Variants in KLHL8 observed in about 807,000 individuals in gnomAD.
KLHL8 encodes kelch-like protein 8.
KLHL8 carries 38 observed loss-of-function variants against 63.5 expected under a neutral mutation model. The ratio of observed to expected loss-of-function variants is 0.60; its 90% CI spans 0.46 to 0.78. The LOEUF is 0.78. Ranked by LOEUF, KLHL8 falls within the 30% of genes least tolerant of loss-of-function variation. The pLI is 0.00. For synonymous variants in KLHL8, 224 were observed against 254.3 expected (o/e 0.88, Z 1.13); for missense variants, 566 against 752.4 (o/e 0.75, Z 2.90).
At chr4:87,229,848 A>C (rs991285393) in intron 1 of KLHL8, among the ~76,000 whole-genome samples, 16 of 151,936 alleles carry the variant, frequency 1.1e-4, no homozygotes, top group African/African-American at 3.9e-4. Context: ...CTCCTGCCTC[A>C]GCCTCCCAAG....
At chr4:87,168,231 C>T (rs1730480231) in intron 8 of KLHL8, among the ~76,000 whole-genome samples, 2 of 152,260 alleles carry the variant, frequency 1.3e-5, no homozygotes, top group East Asian at 1.9e-4. Context: ...CTGCCAAGTA[C>T]ACTTATACTC....
rs578077986 is a variant in KLHL8, at chr4:87,169,744, G to A, written c.1537+335C>T. Among the ~76,000 whole-genome samples, 7 of 152,020 alleles carry A rather than the reference G, an allele frequency of 4.6e-5. No individual in the cohort carries two copies. In the South Asian group the frequency reaches 1.5e-3, roughly 32 times the overall value. On this transcript the variant is annotated intron_variant, in intron 8 of 9. Transcript: ENST00000273963. ...CTGGGTGTGATAGCCTGGGCCTCTA[G>A]TCCTAGCTACTTGAGAGGCTTGAGG...
chr4:87,194,331 T>C (rs145479664), intron 2 of KLHL8, among the ~76,000 whole-genome samples: 1 of 152,324 alleles, frequency 6.6e-6, no homozygotes, highest in African/African-American at 2.4e-5. Context: ...GACACCAAAC[T>C]TGCTGGTACC....
intron 4 of KLHL8, 88 bp downstream of exon 4, chr4:87,183,115 T>G (rs997052372): frequency 2.7e-5 from 24 of 879,818 alleles, no homozygotes; most frequent in Non-Finnish European, 3.4e-5. Context: ...AGACACTAAT[T>G]ATATTACAAC....
rs567127092 is a variant in KLHL8 at position 87,193,613 on chromosome 4, T to C, written c.216+1711A>G. Among the ~76,000 whole-genome samples, 5 of 152,350 alleles carry C rather than the reference T, an allele frequency of 3.3e-5. No homozygotes were observed. In the South Asian group the frequency reaches 1.0e-3, roughly 32 times the overall value. On this transcript the variant is annotated intron_variant, in intron 2 of 9. Transcript: ENST00000273963. ...AAGAAGTAGAGTAAATACATAAGCC[T>C]GTAACATAATCATTTATTAGCATGA...
In KLHL8 at chr4:87,170,828, G is replaced by C. The variant is rs145102902; in HGVS notation, c.1209-213C>G. On this transcript the variant is annotated intron_variant, in intron 6 of 9. Transcript: ENST00000273963. ...TATGTGAATACTGCCCCCTGAAGTT[G>C]TACAGTGCATAGCCTACACAGGCTA... is the stretch of plus-strand genomic sequence containing the variant. Among the ~76,000 whole-genome samples, 405 of 152,258 alleles carry C rather than the reference G, an allele frequency of 2.7e-3. 4 individuals are homozygous for C. Among genetic ancestry groups the C allele is most frequent in the African/African-American group, 9.3e-3 (388 of 41,538 alleles).
Position 87,170,316 on chromosome 4 carries a change from A to G in KLHL8, c.1378-78T>C, listed in dbSNP as rs78527201. 676 of 1,479,558 alleles carry G rather than the reference A, an allele frequency of 4.6e-4. 3 individuals carry two copies. Among genetic ancestry groups the G allele is most frequent in the East Asian group, 2.6e-3 (113 of 43,662 alleles). 91.7% of individuals were successfully genotyped at this position (1,479,558 alleles called of 1,614,324 possible). The stretch of plus-strand genomic sequence containing the variant: ...TTGTTTTAATGGTAAATTAGAATGT[A>G]CAAGGCAGTATTTCAGGAAATAATA... On this transcript the variant is annotated intron_variant, in intron 7 of 9. Coordinates refer to ENST00000273963, the MANE Select transcript of KLHL8 (RefSeq NM_020803.5).
chr4:87,226,704 T>A (rs866205244), intron 1 of KLHL8, among the ~76,000 whole-genome samples: 7 of 14,608 alleles, frequency 4.8e-4, no homozygotes, highest in Admixed American at 3.6e-3. Flanking sequence ...ATTATTTATA[T>A]ATAATATATA....
At chr4:87,192,490 CCATTGTGTTACAACTG>C (rs1731532645) in intron 2 of KLHL8, among the ~76,000 whole-genome samples, 1 of 152,114 alleles carries the variant, frequency 6.6e-6, no homozygotes, top group Non-Finnish European at 1.5e-5. Context: ...TAGATAAATA[CCATTGTGTTACAACTG>C]CATACAGTTT....
At chr4:87,217,356 T>G (rs1307548644) in intron 1 of KLHL8, among the ~76,000 whole-genome samples, 1 of 151,702 alleles carries the variant, frequency 6.6e-6, no homozygotes, top group Admixed American at 6.6e-5. Context: ...TGGGGGGAAA[T>G]AGGGTCTCAC....
intron 1 of KLHL8, chr4:87,207,909 C>T (rs1732208662): frequency 1.5e-6 from 2 of 1,355,710 alleles, no homozygotes; most frequent in Admixed American, 1.7e-5. Context: ...GCATCCTGGG[C>T]TACACTGAGC....
Position 87,195,336 on chromosome 4 carries a change from A to G in KLHL8, c.204T>C (p.Asp68=), listed in dbSNP as rs775446132. 1.2e-6 allele frequency: 2 copies of G among 1,611,826 alleles called. No individual in the cohort carries two copies. Among genetic ancestry groups the G allele is most frequent in the East Asian group, 2.2e-5 (1 of 44,814 alleles). The change falls in exon 2 of 10, where the codon GAT becomes GAC. Residue 68 remains aspartate (D), a synonymous_variant. Transcript: ENST00000273963. ...AAGGCAATCTCACCTTGAGTGTGAC[A>G]TCACAGAGTTCTCCATTTTCATAAA... ...LRFYENGELC[D]VTLKVGSKLI... is the part of the protein sequence containing the mutation.
upstream of KLHL8, among the ~76,000 whole-genome samples, chr4:87,224,239 C>T (rs531324852): frequency 1.1e-4 from 16 of 152,148 alleles, no homozygotes; most frequent in African/African-American, 1.4e-4. Context: ...CATGAGCCAC[C>T]GCGCCGGCCA....
chr4:87,203,402 G>C (rs1056372023), intron 1 of KLHL8, among the ~76,000 whole-genome samples: 14 of 152,004 alleles, frequency 9.2e-5, no homozygotes, highest in African/African-American at 3.4e-4. Context: ...AGCCAGGTGT[G>C]GTGGTGGGCG....
At chr4:87,214,631 C>T (rs1732530832) in intron 1 of KLHL8, among the ~76,000 whole-genome samples, 1 of 151,702 alleles carries the variant, frequency 6.6e-6, no homozygotes, top group African/African-American at 2.4e-5. Context: ...TCAATAGAGA[C>T]TTGCCTGACT....
At position 87,163,906 on chromosome 4, in the gene KLHL8, C is replaced by A. The variant is rs1730272950; in HGVS notation, c.1711G>T (p.Val571Leu). The A allele has an allele frequency of 1.2e-6, 2 of 1,614,100 alleles. No homozygotes were observed. The highest frequency in any genetic ancestry group is 1.7e-6 in the Non-Finnish European group (2 of 1,179,980). ...TTCAGCACTGGATCAAACGCTTCTA[C>A]TGTATTTAAGTATGCATTGCCATTA... The part of the protein sequence containing the change: ...GHNGNAYLNT[V>L]EAFDPVLNRW... Residue 571 changes from valine (V) to leucine (L), a missense_variant, in exon 9 of 10, where the codon GTA (valine) becomes TTA (leucine). Transcript: ENST00000273963.
At chr4:87,239,529 C>T (rs1733292065) in intron 1 of KLHL8, among the ~76,000 whole-genome samples, 1 of 152,158 alleles carries the variant, frequency 6.6e-6, no homozygotes, top group African/African-American at 2.4e-5. Flanking sequence ...TCAGTAGTTC[C>T]TCTCTGCTTG....
intron 1 of KLHL8, among the ~76,000 whole-genome samples, chr4:87,218,675 T>A (rs1302031156): frequency 1.3e-5 from 2 of 152,238 alleles, no homozygotes; most frequent in African/African-American, 4.8e-5. Flanking sequence ...AATTGGCAGC[T>A]TTAAAAATTA....
At chr4:87,206,959 A>G (rs1271264577) in intron 1 of KLHL8, 6 of 271,432 alleles carry the variant, frequency 2.2e-5, no homozygotes, top group Non-Finnish European at 4.3e-5. Context: ...TGAGTGACTG[A>G]ATTAACACGA....
Sources: allele counts gnomAD v4.1 joint callset (sites outside exome capture counted in the v4.1 genomes callset), GRCh38; gene constraint gnomAD v4.1.1; transcripts MANE v1.5; gene names NCBI Gene and HGNC (gene_info 2026-07-23, HGNC 2026-07-21).